SLC9A2: variants seen among roughly 807,000 people sequenced by gnomAD.
SLC9A2 encodes the protein solute carrier family 9 member A2, also known as sodium/hydrogen exchanger 2.
A neutral mutation model predicts 71.7 loss-of-function variants in SLC9A2; 42 were observed. The ratio of observed to expected loss-of-function variants is 0.59; its 90% CI spans 0.46 to 0.76. The LOEUF (loss-of-function observed/expected upper bound fraction) is 0.76. SLC9A2 is among the 30% of genes least tolerant of loss of function. The pLI is 0.00. For synonymous variants in SLC9A2, 396 were observed against 392.5 expected (o/e 1.01, Z -0.10); for missense variants, 829 against 1,017.4 (o/e 0.81, Z 2.52).
rs761393174 is a variant in SLC9A2, at chr2:102,704,633, A to T, written c.1935A>T (p.Arg645=). ...TGATTCGCCGGCGACACAGTTTGCG[A>T]GAAAGCATTAGGAAGGACAGCAGCT... ...EILIRRRHSL[R]ESIRKDSSLN... is the part of the protein sequence containing the mutation. The change falls in exon 10 of 12, where the codon CGA becomes CGT. Residue 645 remains arginine, a synonymous_variant. Transcript: ENST00000233969. The T allele has an allele frequency of 6.2e-7, 1 of 1,613,544 alleles. No individual in the cohort carries two copies. Among genetic ancestry groups the T allele is most frequent in the South Asian group, 1.1e-5 (1 of 91,072 alleles).
At chr2:102,687,076 G>A (rs1266592455) in intron 5 of SLC9A2, among the ~76,000 whole-genome samples, 1 of 152,168 alleles carries the variant, frequency 6.6e-6, no homozygotes, top group East Asian at 1.9e-4. Context: ...TAGGTTAAAC[G>A]AGAGTCTGGC....
At chr2:102,668,915 T>C (rs1030759767) in intron 3 of SLC9A2, among the ~76,000 whole-genome samples, 9 of 152,206 alleles carry the variant, frequency 5.9e-5, no homozygotes, top group Admixed American at 5.9e-4. Flanking sequence ...TAGACGGATG[T>C]CACTTACTTA....
intron 5 of SLC9A2, among the ~76,000 whole-genome samples, chr2:102,689,026 TTTA>T (rs1224799535): frequency 7.9e-5 from 12 of 152,264 alleles, no homozygotes; most frequent in African/African-American, 2.9e-4. Context: ...CATCTGGGGT[TTTA>T]TTATACTTGT....
chr2:102,670,097 T>A (rs1677217774), intron 3 of SLC9A2, among the ~76,000 whole-genome samples: 1 of 151,660 alleles, frequency 6.6e-6, no homozygotes. Context: ...AGTGGCGCGA[T>A]CTCTGCTCAC....
At chr2:102,683,122 T>G in intron 3 of SLC9A2, 139 bp from the exon 4 acceptor site, 1 of 670,274 alleles carries the variant, frequency 1.5e-6, no homozygotes, top group Non-Finnish European at 2.6e-6. Context: ...GCAAATCACA[T>G]TCACCTATAA....
intron 1 of SLC9A2, among the ~76,000 whole-genome samples, chr2:102,628,028 A>C (rs967637287): frequency 6.6e-6 from 1 of 152,146 alleles, no homozygotes; most frequent in African/African-American, 2.4e-5. Context: ...ACTCCTAATA[A>C]GACAATTCCC....
At chr2:102,697,425 A>C (rs1677787917) in intron 7 of SLC9A2, 1 of 151,966 alleles carries the variant, frequency 6.6e-6, no homozygotes, top group South Asian at 2.1e-4. Flanking sequence ...ATTGGCTGTA[A>C]GTCCTAAAGA....
intron 1 of SLC9A2, among the ~76,000 whole-genome samples, chr2:102,649,190 C>G (rs1472189425): frequency 2.0e-5 from 3 of 152,202 alleles, no homozygotes; most frequent in African/African-American, 7.2e-5. Context: ...ACCATCTGAT[C>G]TTCGACAACC....
intron 3 of SLC9A2, among the ~76,000 whole-genome samples, chr2:102,667,401 A>G (rs553841120): frequency 6.6e-6 from 1 of 152,352 alleles, no homozygotes; most frequent in South Asian, 2.1e-4. Flanking sequence ...TAAATGTTCT[A>G]GAACCCACAA....
chr2:102,697,897 T>C (rs867153446), intron 7 of SLC9A2, among the ~76,000 whole-genome samples: 1 of 151,960 alleles, frequency 6.6e-6, no homozygotes, highest in Non-Finnish European at 1.5e-5. Context: ...CCTTTGAGAA[T>C]GAAACGAAGG....
intron 11 of SLC9A2, 73 bp downstream of exon 11, chr2:102,706,009 A>G (rs1261614401): frequency 1.0e-5 from 9 of 887,912 alleles, no homozygotes; most frequent in Admixed American, 8.0e-5. Flanking sequence ...AAATTTTCCT[A>G]TTATTTTTCT....
rs1264521583 is a variant in SLC9A2, at chr2:102,681,819, CA to C, written c.1005-1437del. Among the ~76,000 whole-genome samples the C allele has an allele frequency of 1.3e-5, 2 of 152,136 alleles. 1 individual carries two copies. Among genetic ancestry groups the C allele is most frequent in the Non-Finnish European group, 2.9e-5 (2 of 68,020 alleles). Reference sequence around the variant, plus strand: ...CTTCATTTTGTTTTAATAAGGGGCACAAAAATAAACATACCTGCCTTTGTTT... The same window carrying C: ...CTTCATTTTGTTTTAATAAGGGGCACAAAATAAACATACCTGCCTTTGTTT... On this transcript the variant is annotated intron_variant, in intron 3 of 11. Transcript: ENST00000233969.
At chr2:102,688,374 A>T (rs774146262) in intron 5 of SLC9A2, among the ~76,000 whole-genome samples, 4 of 152,178 alleles carry the variant, frequency 2.6e-5, no homozygotes, top group Non-Finnish European at 5.9e-5. Context: ...TGTATAGAGT[A>T]TGACACCTGA....
intron 3 of SLC9A2, among the ~76,000 whole-genome samples, chr2:102,680,102 TA>T (rs1482459528): frequency 2.0e-5 from 3 of 152,166 alleles, no homozygotes; most frequent in Admixed American, 2.0e-4. Context: ...ATTAGAGAAT[TA>T]AAAAATATAT....
intron 1 of SLC9A2, among the ~76,000 whole-genome samples, chr2:102,637,343 G>T (rs997729534): frequency 2.6e-5 from 4 of 152,184 alleles, no homozygotes; most frequent in African/African-American, 9.7e-5. Context: ...GGAGACACAA[G>T]TTTCACACCC....
chr2:102,655,838 T>A (rs1573410574), intron 1 of SLC9A2, among the ~76,000 whole-genome samples: 1 of 152,354 alleles, frequency 6.6e-6, no homozygotes, highest in Non-Finnish European at 1.5e-5. Flanking sequence ...GCATTTGGTG[T>A]CTGGTGAGTG....
At chr2:102,696,503 G>A (rs1677772311) in intron 7 of SLC9A2, among the ~76,000 whole-genome samples, 1 of 152,058 alleles carries the variant, frequency 6.6e-6, no homozygotes, top group South Asian at 2.1e-4. Context: ...GCATAATATT[G>A]GGCTACATAA....
At chr2:102,646,725 A>G (rs1214847099) in intron 1 of SLC9A2, among the ~76,000 whole-genome samples, 2 of 150,934 alleles carry the variant, frequency 1.3e-5, no homozygotes, top group Admixed American at 6.6e-5. Context: ...AGCATTACAT[A>G]ATGGTAAAAG....
intron 6 of SLC9A2, 122 bp downstream of exon 6, chr2:102,694,625 G>A (rs1038218118): frequency 8.5e-6 from 4 of 468,686 alleles, no homozygotes; most frequent in South Asian, 1.2e-4. Flanking sequence ...TGAGAGGGAG[G>A]AGGGCCTGAA....
Sources: gnomAD v4.1 joint callset for allele counts (sites outside exome capture counted in the v4.1 genomes callset) on GRCh38, gnomAD v4.1.1 for gene constraint, MANE v1.5 for transcripts, NCBI Gene and HGNC (gene_info 2026-07-23, HGNC 2026-07-21) for gene names.